The following NUDT11 variants were observed in gnomAD, a reference collection of about 807,000 sequenced individuals.
The protein encoded by NUDT11 is diphosphoinositol polyphosphate phosphohydrolase 3-beta.
NUDT11 carries 1 observed loss-of-function variant against 10.0 expected under a neutral mutation model. The observed-to-expected ratio is 0.10, with a 90% confidence interval of 0.04 to 0.47. The LOEUF (loss-of-function observed/expected upper bound fraction) is 0.47, where lower values mean the gene tolerates loss of function less well. Among genes scored for constraint, NUDT11 ranks in the 20% least tolerant of loss-of-function variants. The pLI is 0.96. For synonymous variants in NUDT11, 63 were observed against 65.9 expected (o/e 0.96, Z 0.21); for missense variants, 47 against 140.4 (o/e 0.33, Z 3.36).
chrX:51,491,092 C>T lies in NUDT11; in HGVS notation c.*657G>A, dbSNP rs1005114098. 5 of 112,382 alleles carry T rather than the reference C, an allele frequency of 4.4e-5. No individual in the cohort carries two copies. The highest frequency in any genetic ancestry group is 9.4e-5 in the Non-Finnish European group (5 of 53,196). 9.3% of individuals were successfully genotyped at this position (112,382 alleles called of 1,213,427 possible). A position where few individuals can be genotyped will look rare whatever the true frequency, so the allele number is the denominator to read the frequency against. On this transcript the variant is annotated 3_prime_UTR_variant, in exon 2 of 2. Coordinates refer to ENST00000375992, the MANE Select transcript of NUDT11 (RefSeq NM_018159.4). The stretch of plus-strand genomic sequence containing the variant: ...TGATAGTTTTTGAATAAAATTTAAG[C>T]AAATCATCAACAGTACAAAAACACT...
At chrX:51,495,718 A>G (rs868947017) in intron 1 of NUDT11, among the ~76,000 whole-genome samples, 1 of 110,595 alleles carries the variant, frequency 9.0e-6, no homozygotes, top group East Asian at 2.9e-4. Flanking sequence ...AACATTTTAC[A>G]GTGTAACCAA....
Position 51,491,559 on chromosome X carries a change from T to C in NUDT11, c.*190A>G, listed in dbSNP as rs1266018451. ...GCTGAATTAAGAGTCTATTCACGTA[T>C]AAGAGTACAACAACCAGAGCAAGAG... On this transcript the variant is annotated 3_prime_UTR_variant, in exon 2 of 2. Transcript: ENST00000375992. 13 of 433,910 alleles carry C rather than the reference T, an allele frequency of 3.0e-5. No homozygotes were observed. Among genetic ancestry groups the C allele is most frequent in the African/African-American group, 3.0e-4 (12 of 40,389 alleles). 35.8% of individuals were successfully genotyped at this position (433,910 alleles called of 1,213,427 possible). A position where few individuals can be genotyped will look rare whatever the true frequency, so the allele number is the denominator to read the frequency against.
In NUDT11 at chrX:51,496,229, G is replaced by A; in HGVS notation, c.216C>T (p.Val72=). The change falls in exon 1 of 2, where the codon GTC becomes GTT. Residue 72 remains valine (V), a synonymous_variant. Transcript: ENST00000375992. ...CCAGGAGCCGGCCTAACTTCCCCTTGACTCCCGCTTCTTCGTACACCTCTC... is the reference window on the plus strand; with the variant it reads ...CCAGGAGCCGGCCTAACTTCCCCTTAACTCCCGCTTCTTCGTACACCTCTC... ...AVREVYEEAG[V]KGKLGRLLGV... The A allele has an allele frequency of 8.3e-7, 1 of 1,211,052 alleles. No homozygotes were observed.
intron 1 of NUDT11, among the ~76,000 whole-genome samples, chrX:51,492,627 G>T (rs782029821): frequency 2.7e-5 from 3 of 111,386 alleles, no homozygotes; most frequent in Non-Finnish European, 5.7e-5. Context: ...TGCCCACCTC[G>T]ACCTCCCAAA....
At chrX:51,494,050 A>T (rs1925650762) in intron 1 of NUDT11, among the ~76,000 whole-genome samples, 1 of 111,917 alleles carries the variant, frequency 8.9e-6, no homozygotes, top group Admixed American at 9.5e-5. Flanking sequence ...TAGGTTATTG[A>T]GGAAAATCTT....
rs1032035915 is a variant in NUDT11 at position 51,491,687 on chromosome X, A to C, written c.*62T>G. The C allele has an allele frequency of 1.8e-6, 1 of 569,784 alleles. No homozygotes were observed. Among genetic ancestry groups the C allele is most frequent in the Non-Finnish European group, 3.2e-6 (1 of 309,024 alleles). The allele number at this position is 569,784 out of a possible 1,213,427, so 47.0% of individuals were successfully genotyped here. On this transcript the variant is annotated 3_prime_UTR_variant, in exon 2 of 2. Coordinates refer to ENST00000375992, the MANE Select transcript of NUDT11 (RefSeq NM_018159.4). ...GTGCTCACCTGTACTTGACAATTCC[A>C]CTGATCACTGGGTTCACATCAATGT...
chrX:51,491,881 T>C lies in NUDT11; in HGVS notation c.*-132A>G, dbSNP rs782333488. 5.7e-6 allele frequency: 3 copies of C among 521,981 alleles called. No individual in the cohort carries two copies. In the South Asian group the frequency reaches 8.1e-5, roughly 14 times the overall value. 43.0% of individuals were successfully genotyped at this position (521,981 alleles called of 1,213,427 possible). On this transcript the variant is annotated intron_variant, in intron 1 of 1. Transcript: ENST00000375992. ...ACTTCACTTCCACAGAATTATCTAA[T>C]GCAGATGCAATCAATGAGTCTGGAT...
chrX:51,494,619 C>CAA (rs200803382), intron 1 of NUDT11, among the ~76,000 whole-genome samples: 1 of 93,698 alleles, frequency 1.1e-5, no homozygotes, highest in African/African-American at 3.9e-5. Context: ...AAGGGGGCAG[C>CAA]AAAAAAAAAA....
intron 1 of NUDT11, among the ~76,000 whole-genome samples, chrX:51,495,403 C>T (rs1156965012): frequency 2.7e-5 from 3 of 111,500 alleles, no homozygotes; most frequent in Non-Finnish European, 5.6e-5. Context: ...ACAACAAGGG[C>T]GAACGCTGTG....
chrX:51,495,136 A>G (rs1265304324), intron 1 of NUDT11, among the ~76,000 whole-genome samples: 3 of 112,125 alleles, frequency 2.7e-5, no homozygotes, highest in Middle Eastern at 4.6e-3. Context: ...CATCTATTCA[A>G]TAAGGTTAAT....
At chrX:51,495,851 T>A (rs1925690730) in intron 1 of NUDT11, 100 bp downstream of exon 1, 2 of 1,112,948 alleles carry the variant, frequency 1.8e-6, no homozygotes, top group Admixed American at 6.0e-5. Flanking sequence ...GCCTCCCTCC[T>A]CCCCGTGAGA....
Position 51,491,969 on chromosome X carries a change from T to C in NUDT11, c.*-220A>G, listed in dbSNP as rs940576631. ...TGTAAAAAAGTCAGGAAAGCAGCGA[T>C]ATCAGAAGTTTTGTAAAAGAGGAGT... On this transcript the variant is annotated intron_variant, in intron 1 of 1. Coordinates refer to ENST00000375992, the MANE Select transcript of NUDT11 (RefSeq NM_018159.4). 4.5e-5 allele frequency among the ~76,000 whole-genome samples: 5 copies of C among 112,211 alleles called. No individual in the cohort carries two copies. The East Asian group carries it at 1.4e-3, about 31-fold the overall frequency.
At chrX:51,491,946 TAA>T (rs782103954) in intron 1 of NUDT11, among the ~76,000 whole-genome samples, 197 bp from the exon 2 acceptor site, 69 of 112,153 alleles carry the variant, frequency 6.2e-4, no homozygotes, top group African/African-American at 2.1e-3. Flanking sequence ...TACCATGATG[TAA>T]AAAAGTCAGG....
At chrX:51,492,638 G>C (rs1569552979) in intron 1 of NUDT11, among the ~76,000 whole-genome samples, 1 of 111,577 alleles carries the variant, frequency 9.0e-6, no homozygotes. Flanking sequence ...ACCTCCCAAA[G>C]TACTGGGATT....
chrX:51,491,055 C>T lies in NUDT11; in HGVS notation c.*694G>A. ...CCACTGTATTTATTTTTACAATTACCTTTATAGCAAGTGATAGTTTTTGAA... is the reference window on the plus strand; with the variant it reads ...CCACTGTATTTATTTTTACAATTACTTTTATAGCAAGTGATAGTTTTTGAA... On this transcript the variant is annotated 3_prime_UTR_variant, in exon 2 of 2. Transcript: ENST00000375992. 8.9e-6 allele frequency: 1 copy of T among 112,088 alleles called. No individual in the cohort carries two copies. Among genetic ancestry groups the T allele is most frequent in the East Asian group, 2.8e-4 (1 of 3,590 alleles). 9.2% of individuals were successfully genotyped at this position (112,088 alleles called of 1,213,427 possible). A position where few individuals can be genotyped will look rare whatever the true frequency, so the allele number is the denominator to read the frequency against.
At position 51,496,484 on chromosome X, in the gene NUDT11, T is replaced by C. The variant is rs1796461292; in HGVS notation, c.-40A>G. ...CCTCGAGGCAGCCTCCTCTCGCCTCTCGCTGCTGTGTGGGCCGCCGCTGCC... is the reference window on the plus strand; with the variant it reads ...CCTCGAGGCAGCCTCCTCTCGCCTCCCGCTGCTGTGTGGGCCGCCGCTGCC... On this transcript the variant is annotated 5_prime_UTR_variant, in exon 1 of 2. Transcript: ENST00000375992. The C allele has an allele frequency of 2.0e-5, 23 of 1,151,256 alleles. No homozygotes were observed. Among genetic ancestry groups the C allele is most frequent in the Non-Finnish European group, 2.5e-5 (22 of 865,388 alleles). The allele number at this position is 1,151,256 out of a possible 1,213,427, so 94.9% of individuals were successfully genotyped here. A position where few individuals can be genotyped will look rare whatever the true frequency, so the allele number is the denominator to read the frequency against.
rs1250243661 is a variant in NUDT11 at position 51,490,305 on chromosome X, A to G, written c.*1444T>C. ...TTAAAAAACAATAAATCAAGAAGTT[A>G]TATTTTTATTTCAAATTATGTAACA... On this transcript the variant is annotated 3_prime_UTR_variant, in exon 2 of 2. Coordinates refer to ENST00000375992, the MANE Select transcript of NUDT11 (RefSeq NM_018159.4). The G allele has an allele frequency of 1.8e-5, 2 of 112,265 alleles. No homozygotes were observed. Among genetic ancestry groups the G allele is most frequent in the African/African-American group, 3.2e-5 (1 of 30,894 alleles). The allele number at this position is 112,265 out of a possible 1,213,427, so 9.3% of individuals were successfully genotyped here.
intron 1 of NUDT11, 66 bp downstream of exon 1, chrX:51,495,885 C>G: frequency 8.5e-7 from 1 of 1,180,108 alleles, no homozygotes; most frequent in Non-Finnish European, 1.1e-6. Context: ...GAGAGGTGCT[C>G]CAGGCGGGAC....
chrX:51,495,564 AG>A (rs1160788209), intron 1 of NUDT11, among the ~76,000 whole-genome samples: 2 of 111,852 alleles, frequency 1.8e-5, no homozygotes, highest in Non-Finnish European at 1.9e-5. Flanking sequence ...GAAATATAAA[AG>A]AACCAAAAAC....
Sources: gnomAD v4.1 joint callset for allele counts (sites outside exome capture counted in the v4.1 genomes callset) on GRCh38, gnomAD v4.1.1 for gene constraint, MANE v1.5 for transcripts, NCBI Gene and HGNC (gene_info 2026-07-23, HGNC 2026-07-21) for gene names.